TMEM161B: variants seen among roughly 807,000 people sequenced by gnomAD.
The protein encoded by TMEM161B is transmembrane protein 161B.
TMEM161B carries 34 observed loss-of-function variants against 61.8 expected under a neutral mutation model. The ratio of observed to expected loss-of-function variants is 0.55; its 90% CI spans 0.42 to 0.73. The LOEUF is 0.73. TMEM161B is among the 30% of genes least tolerant of loss of function. The probability of loss-of-function intolerance (pLI) is 0.00; values close to 1 mark genes in which losing one functional copy is unlikely to be tolerated. For missense variants in TMEM161B, 456 were observed against 558.5 expected, an observed-to-expected ratio of 0.82 and a Z score of 1.85; for synonymous variants, 167 against 192.8, an observed-to-expected ratio of 0.87 and a Z score of 1.11.
At chr5:88,208,830 A>G (rs1363079114) in intron 5 of TMEM161B, among the ~76,000 whole-genome samples, 1 of 152,192 alleles carries the variant, frequency 6.6e-6, no homozygotes, top group Non-Finnish European at 1.5e-5. Flanking sequence ...CATAGCACCT[A>G]AGTCAATGTG....
intron 5 of TMEM161B, among the ~76,000 whole-genome samples, chr5:88,218,017 A>T (rs1424816895): frequency 6.6e-6 from 1 of 152,126 alleles, no homozygotes; most frequent in Non-Finnish European, 1.5e-5. Context: ...GGTGAACAGA[A>T]GAAAAAGAGG....
chr5:88,208,482 C>G (rs1230445255), intron 5 of TMEM161B, among the ~76,000 whole-genome samples: 3 of 114,792 alleles, frequency 2.6e-5, no homozygotes, highest in African/African-American at 9.9e-5. Context: ...ACTCCGTCTC[C>G]AAAAAAAAAA....
intron 5 of TMEM161B, among the ~76,000 whole-genome samples, chr5:88,215,023 T>C (rs1468708945): frequency 2.6e-5 from 4 of 152,222 alleles, no homozygotes; most frequent in Admixed American, 1.3e-4. Flanking sequence ...TGCTGTCTTA[T>C]GTATGTCACA....
rs539634034 is a variant in TMEM161B, at chr5:88,226,940, C to T, written c.192-1074G>A. Among the ~76,000 whole-genome samples, 11 of 152,068 alleles carry T rather than the reference C, an allele frequency of 7.2e-5. No homozygotes were observed. In the South Asian group the frequency reaches 2.1e-3, roughly 29 times the overall value. On this transcript the variant is annotated intron_variant, in intron 3 of 11. Transcript: ENST00000296595. ...CAGGAGAGACCAGCCTGGGTAACAC[C>T]GGGAGACCCTGTCTCTACAAATTTT...
intron 1 of TMEM161B, among the ~76,000 whole-genome samples, chr5:88,265,340 G>C (rs2112797202): frequency 6.6e-6 from 1 of 152,304 alleles, no homozygotes; most frequent in East Asian, 1.9e-4. Context: ...TGTGGAGGCA[G>C]TGTGGAGGAA....
In TMEM161B at chr5:88,236,967, A is replaced by G. The variant is rs558667816; in HGVS notation, c.107+3846T>C. Among the ~76,000 whole-genome samples the G allele has an allele frequency of 2.0e-4, 30 of 152,226 alleles. No individual in the cohort carries two copies. In the South Asian group the frequency reaches 4.6e-3, roughly 23 times the overall value. On this transcript the variant is annotated intron_variant, in intron 2 of 11. Coordinates refer to ENST00000296595, the MANE Select transcript of TMEM161B (RefSeq NM_153354.5). ...ATTTGTCTCCCCAACCAAATTTAAA[A>G]CTCTATTCAAGTATGACAGTTCCAG...
In TMEM161B at chr5:88,268,819, C is replaced by G; in HGVS notation, c.-96G>C. The G allele has an allele frequency of 6.3e-7, 1 of 1,597,008 alleles. No homozygotes were observed. On this transcript the variant is annotated 5_prime_UTR_variant, in exon 1 of 12. Coordinates refer to ENST00000296595, the MANE Select transcript of TMEM161B (RefSeq NM_153354.5). ...GTCCTTGAGCCGAGAGACTCTCAAACAGCGAAAGAGAGGGTCTTCCGGCTC... is the reference window on the plus strand; with the variant it reads ...GTCCTTGAGCCGAGAGACTCTCAAAGAGCGAAAGAGAGGGTCTTCCGGCTC...
chr5:88,228,657 T>C, intron 2 of TMEM161B, 129 bp from the exon 3 acceptor site: 1 of 689,464 alleles, frequency 1.5e-6, no homozygotes, highest in East Asian at 2.9e-5. Context: ...AAAACTGTAA[T>C]CTGAAACAAA....
At chr5:88,238,593 T>C (rs1478285171) in intron 2 of TMEM161B, among the ~76,000 whole-genome samples, 3 of 152,186 alleles carry the variant, frequency 2.0e-5, no homozygotes, top group South Asian at 2.1e-4. Flanking sequence ...AAGCACTTTA[T>C]AGACCCTAAA....
downstream of TMEM161B, among the ~76,000 whole-genome samples, chr5:88,187,801 T>G (rs183316862): frequency 5.3e-4 from 80 of 152,294 alleles, no homozygotes; most frequent in African/African-American, 1.7e-3. Context: ...ATTTGTGTAG[T>G]ATTTCATTGG....
intron 1 of TMEM161B, among the ~76,000 whole-genome samples, chr5:88,252,060 G>A (rs1754409423): frequency 6.6e-6 from 1 of 152,100 alleles, no homozygotes; most frequent in Non-Finnish European, 1.5e-5. Context: ...AATAATATTT[G>A]AGCACAAAAT....
chr5:88,205,751 T>C, intron 8 of TMEM161B, 63 bp downstream of exon 8: 2 of 1,557,428 alleles, frequency 1.3e-6, no homozygotes, highest in Non-Finnish European at 1.8e-6. Context: ...TACAATATTA[T>C]ACCTTCATTA....
intron 5 of TMEM161B, among the ~76,000 whole-genome samples, chr5:88,209,371 C>T: frequency 6.6e-6 from 1 of 152,156 alleles, no homozygotes; most frequent in East Asian, 1.9e-4. Context: ...GAGACAATTT[C>T]CAACTTCTTT....
chr5:88,255,054 T>C (rs956920745), intron 1 of TMEM161B, among the ~76,000 whole-genome samples: 6 of 152,044 alleles, frequency 3.9e-5, no homozygotes, highest in Admixed American at 2.6e-4. Context: ...TGTCATAAGA[T>C]AAAAACCAGA....
chr5:88,243,802 T>C (rs28790933), intron 1 of TMEM161B, among the ~76,000 whole-genome samples: 136 of 152,128 alleles, frequency 8.9e-4, no homozygotes, highest in African/African-American at 3.2e-3. Flanking sequence ...TGGTGTGAGA[T>C]GGTATCTCAC....
At chr5:88,264,015 A>G (rs374930580) in intron 1 of TMEM161B, among the ~76,000 whole-genome samples, 2 of 152,280 alleles carry the variant, frequency 1.3e-5, no homozygotes, top group South Asian at 2.1e-4. Context: ...CAAACTGCGC[A>G]TGTCAAATTA....
chr5:88,239,457 C>T (rs965135322), intron 2 of TMEM161B, among the ~76,000 whole-genome samples: 1 of 151,886 alleles, frequency 6.6e-6, no homozygotes, highest in Admixed American at 6.6e-5. Context: ...TCCTGATCTT[C>T]GAAAATGGTT....
chr5:88,262,801 G>C (rs1467655031), intron 1 of TMEM161B, among the ~76,000 whole-genome samples: 2 of 152,072 alleles, frequency 1.3e-5, no homozygotes, highest in Non-Finnish European at 2.9e-5. Context: ...GGTGAAGGAT[G>C]TTGATAATAG....
At chr5:88,202,211 T>G (rs1394263082) in intron 9 of TMEM161B, 2 of 437,040 alleles carry the variant, frequency 4.6e-6, no homozygotes, top group Non-Finnish European at 9.2e-6. Flanking sequence ...TTTGAACCAG[T>G]TCTGTCTGAA....
Sources: allele counts gnomAD v4.1 joint callset (sites outside exome capture counted in the v4.1 genomes callset), GRCh38; gene constraint gnomAD v4.1.1; transcripts MANE v1.5; gene names NCBI Gene and HGNC (gene_info 2026-07-23, HGNC 2026-07-21).